AP3B1: variants seen among roughly 807,000 people sequenced by gnomAD.
AP3B1 encodes AP-3 complex subunit beta-1.
Under a neutral mutation model 132.5 loss-of-function variants are expected in AP3B1, and 61 were observed. That is an observed-to-expected ratio of 0.46 (90% CI 0.37 to 0.57). The LOEUF is 0.57. Ranked by LOEUF, AP3B1 falls within the 20% of genes least tolerant of loss-of-function variation. The pLI, the probability that AP3B1 is intolerant of heterozygous loss-of-function variation, is 0.00. For synonymous variants in AP3B1, 388 were observed against 438.3 expected (o/e 0.89, Z 1.43); for missense variants, 1,120 against 1,289.4 (o/e 0.87, Z 2.01).
intron 17 of AP3B1, among the ~76,000 whole-genome samples, chr5:78,121,550 G>C (rs1752195745): frequency 6.6e-6 from 1 of 152,182 alleles, no homozygotes; most frequent in African/African-American, 2.4e-5. Context: ...ACTACCATCA[G>C]AGAACACTAC....
At chr5:78,280,028 G>A (rs1283620802) in intron 1 of AP3B1, among the ~76,000 whole-genome samples, 1 of 142,378 alleles carries the variant, frequency 7.0e-6, no homozygotes, top group Non-Finnish European at 1.5e-5. Flanking sequence ...AGCCGAGATC[G>A]TGCCACTGCA....
chr5:78,168,034 A>C (rs1381094022), intron 11 of AP3B1, among the ~76,000 whole-genome samples: 1 of 151,646 alleles, frequency 6.6e-6, no homozygotes, highest in African/African-American at 2.4e-5. Flanking sequence ...AAAAACAAAA[A>C]AAATAAAACA....
intron 19 of AP3B1, among the ~76,000 whole-genome samples, 184 bp downstream of exon 19, chr5:78,113,568 G>A (rs184742031): frequency 6.6e-6 from 1 of 152,210 alleles, no homozygotes; most frequent in African/African-American, 2.4e-5. Context: ...CAAAATGAAA[G>A]CTAAGCATTA....
chr5:78,178,448 C>T (rs1744240061), intron 8 of AP3B1, among the ~76,000 whole-genome samples: 1 of 152,120 alleles, frequency 6.6e-6, no homozygotes, highest in Non-Finnish European at 1.5e-5. Flanking sequence ...TGGTAAAACC[C>T]CATCTCTACT....
At chr5:78,190,327 T>C (rs959576743) in intron 7 of AP3B1, among the ~76,000 whole-genome samples, 4 of 152,134 alleles carry the variant, frequency 2.6e-5, no homozygotes, top group Admixed American at 1.3e-4. Context: ...TTACTAGCTA[T>C]AGGCATGTAC....
Position 78,046,715 on chromosome 5 carries a change from T to TA in AP3B1, c.2578-7442dup, listed in dbSNP as rs397830194. 8.7e-3 allele frequency among the ~76,000 whole-genome samples: 1,316 copies of TA among 151,990 alleles called. 11 individuals are homozygous for TA. The highest frequency in any genetic ancestry group is 0.022 in the African/African-American group (902 of 41,398). On this transcript the variant is annotated intron_variant, in intron 22 of 26. Coordinates refer to ENST00000255194, the MANE Select transcript of AP3B1 (RefSeq NM_003664.5). ...TAAAAGCCTAGAATCTTTTTTTTTT[T>TA]AAAATACTTTAAGTTCTGGGATACA...
intron 3 of AP3B1, among the ~76,000 whole-genome samples, chr5:78,238,304 A>C (rs1746968742): frequency 6.6e-6 from 1 of 152,226 alleles, no homozygotes; most frequent in African/African-American, 2.4e-5. Flanking sequence ...TCTAGTTGTA[A>C]GAAAACAAGC....
intron 15 of AP3B1, among the ~76,000 whole-genome samples, chr5:78,132,456 TTC>T (rs1752730790): frequency 6.6e-6 from 1 of 152,200 alleles, no homozygotes; most frequent in African/African-American, 2.4e-5. Context: ...TTAACTGATT[TTC>T]TGTTTGAAAA....
intron 14 of AP3B1, 128 bp from the exon 15 acceptor site, chr5:78,141,447 A>G: frequency 1.4e-6 from 1 of 695,928 alleles, no homozygotes; most frequent in East Asian, 2.8e-5. Flanking sequence ...CTAGGAATTA[A>G]TCCTGTATTT....
chr5:78,287,750 TAAAA>T (rs58180674), intron 1 of AP3B1, among the ~76,000 whole-genome samples: 4 of 131,740 alleles, frequency 3.0e-5, no homozygotes, highest in African/African-American at 5.6e-5. Context: ...GTACCCCTTG[TAAAA>T]AAAAAAAAAA....
chr5:78,096,155 C>A (rs148446830), intron 21 of AP3B1, among the ~76,000 whole-genome samples: 1 of 152,176 alleles, frequency 6.6e-6, no homozygotes, highest in Non-Finnish European at 1.5e-5. Flanking sequence ...CGATGGCAGG[C>A]GCGCGCCGCC....
In AP3B1 at chr5:78,280,738, G is replaced by C. The variant is rs1031942844; in HGVS notation, c.129-13143C>G. Among the ~76,000 whole-genome samples, 4 of 152,174 alleles carry C rather than the reference G, an allele frequency of 2.6e-5. No homozygotes were observed. The East Asian group carries it at 5.8e-4, about 22-fold the overall frequency. On this transcript the variant is annotated intron_variant, in intron 1 of 26. Coordinates refer to ENST00000255194, the MANE Select transcript of AP3B1 (RefSeq NM_003664.5). ...ACAGAAGGCAAGTTTTCCATCTGAT[G>C]AGTTTGGATCAGCATTCTGTAAAGG...
At chr5:78,197,182 T>G (rs1745108087) in intron 7 of AP3B1, among the ~76,000 whole-genome samples, 1 of 151,252 alleles carries the variant, frequency 6.6e-6, no homozygotes, top group Non-Finnish European at 1.5e-5. Context: ...AAATAAAGCT[T>G]ATTTTTATTT....
chr5:78,198,462 G>A (rs1054053219), intron 7 of AP3B1, among the ~76,000 whole-genome samples: 1 of 152,074 alleles, frequency 6.6e-6, no homozygotes, highest in Non-Finnish European at 1.5e-5. Flanking sequence ...CCTGGTGTGT[G>A]GACAGCTACC....
intron 1 of AP3B1, among the ~76,000 whole-genome samples, chr5:78,274,687 T>C (rs1289462884): frequency 2.0e-5 from 3 of 152,086 alleles, no homozygotes; most frequent in Non-Finnish European, 4.4e-5. Context: ...GGGAGGCCAA[T>C]GCAAGAGGAT....
chr5:78,242,123 G>T (rs962759093), intron 2 of AP3B1, among the ~76,000 whole-genome samples: 3 of 152,140 alleles, frequency 2.0e-5, no homozygotes, highest in African/African-American at 7.2e-5. Context: ...GATTTCAAAA[G>T]CTTCTGACTG....
downstream of AP3B1, chr5:78,001,763 T>C (rs1262373046): frequency 2.0e-5 from 3 of 152,232 alleles, no homozygotes; most frequent in African/African-American, 7.2e-5. Context: ...CAAAAAGAAC[T>C]GAGTAGCTTA....
At chr5:78,191,509 T>C (rs996397598) in intron 7 of AP3B1, among the ~76,000 whole-genome samples, 3 of 152,152 alleles carry the variant, frequency 2.0e-5, no homozygotes, top group Admixed American at 6.6e-5. Flanking sequence ...CTAACTCTCC[T>C]AGTCTTTGGT....
intron 22 of AP3B1, among the ~76,000 whole-genome samples, chr5:78,055,198 G>A (rs997478983): frequency 1.3e-5 from 2 of 152,224 alleles, no homozygotes; most frequent in Non-Finnish European, 2.9e-5. Flanking sequence ...CTGCATGGCT[G>A]TTCCGGGTCA....
Sources: gnomAD v4.1 joint callset for allele counts (sites outside exome capture counted in the v4.1 genomes callset) on GRCh38, gnomAD v4.1.1 for gene constraint, MANE v1.5 for transcripts, NCBI Gene and HGNC (gene_info 2026-07-23, HGNC 2026-07-21) for gene names.